The following SNW1 variants were observed in gnomAD, a reference collection of about 807,000 sequenced individuals.
SNW1 encodes SNW domain containing 1.
In SNW1, 9 loss-of-function variants were observed where a neutral mutation model predicts 75.6. That is an observed-to-expected ratio of 0.12 (90% confidence interval 0.07 to 0.21). The LOEUF (loss-of-function observed/expected upper bound fraction) is 0.21. Among genes scored for constraint, SNW1 ranks in the 10% least tolerant of loss-of-function variants. The pLI, the probability that SNW1 is intolerant of heterozygous loss-of-function variation, is 1.00. For missense variants in SNW1, 409 were observed against 670.9 expected (o/e 0.61, Z 4.31); for synonymous variants, 200 against 219.1 (o/e 0.91, Z 0.77).
intron 3 of SNW1, among the ~76,000 whole-genome samples, chr14:77,745,540 C>T (rs968934313): frequency 1.3e-5 from 2 of 151,910 alleles, no homozygotes; most frequent in African/African-American, 4.8e-5. Flanking sequence ...AAACCCATCT[C>T]TACTAAAAAG....
intron 3 of SNW1, among the ~76,000 whole-genome samples, chr14:77,743,009 T>G (rs1310951467): frequency 6.6e-6 from 1 of 151,888 alleles, no homozygotes; most frequent in African/African-American, 2.4e-5. Flanking sequence ...GTGGATCACC[T>G]GAGGTTGGGA....
Position 77,730,757 on chromosome 14 carries a change from A to G in SNW1, c.1033+231T>C, listed in dbSNP as rs1164405866. The G allele has an allele frequency of 2.0e-5, 9 of 458,438 alleles. No homozygotes were observed. In the South Asian group the frequency reaches 2.8e-4, roughly 14 times the overall value. The allele number at this position is 458,438 out of a possible 1,614,324, so 28.4% of individuals were successfully genotyped here. A position where few individuals can be genotyped will look rare whatever the true frequency, so the allele number is the denominator to read the frequency against. On this transcript the variant is annotated intron_variant, in intron 10 of 13. Coordinates refer to ENST00000261531, the MANE Select transcript of SNW1 (RefSeq NM_012245.3). ...TGCAATTTTGAAAAGTACACTGCTC[A>G]GAAGTTTAAAAATTTCTGGTACAGT...
At chr14:77,753,330 A>G (rs577128529) in intron 2 of SNW1, among the ~76,000 whole-genome samples, 5 of 152,320 alleles carry the variant, frequency 3.3e-5, no homozygotes, top group African/African-American at 9.6e-5. Flanking sequence ...TCATTGTGCA[A>G]TGTACTGACA....
chr14:77,723,524 A>AT (rs1453722580), intron 10 of SNW1, among the ~76,000 whole-genome samples: 43 of 148,336 alleles, frequency 2.9e-4, no homozygotes, highest in African/African-American at 1.1e-3. Context: ...TAATTTTTAA[A>AT]TTTTTTGTAA....
intron 3 of SNW1, among the ~76,000 whole-genome samples, chr14:77,750,700 T>C (rs1433046996): frequency 1.3e-5 from 2 of 152,194 alleles, no homozygotes; most frequent in Non-Finnish European, 2.9e-5. Flanking sequence ...TTAAAAATAG[T>C]TCCTTGGCCC....
chr14:77,745,335 G>A (rs1257212738), intron 3 of SNW1, among the ~76,000 whole-genome samples: 2 of 152,210 alleles, frequency 1.3e-5, no homozygotes, highest in African/African-American at 2.4e-5. Flanking sequence ...TCCATGGGAA[G>A]TCTCAAGAGA....
chr14:77,735,934 T>C lies in SNW1; in HGVS notation c.708+3A>G. The C allele has an allele frequency of 6.2e-7, 1 of 1,612,000 alleles. No individual in the cohort carries two copies. The highest frequency in any genetic ancestry group is 1.1e-5 in the South Asian group (1 of 90,844). On this transcript the variant is annotated splice_donor_region_variant and intron_variant, in intron 7 of 13. Transcript: ENST00000261531. The stretch of plus-strand genomic sequence containing the variant: ...AAATATTTTGGACTACAGCAAAGAA[T>C]ACCTTTCGGCTAGGAGAATGCATGA...
At chr14:77,735,038 A>C in intron 7 of SNW1, 26 bp from the exon 8 acceptor site, 1 of 1,529,284 alleles carries the variant, frequency 6.5e-7, no homozygotes, top group South Asian at 1.1e-5. Context: ...AAGAAGAGAC[A>C]AGTTTAGATT....
rs1595069786 is a variant in SNW1 at position 77,717,698 on chromosome 14, A to G, written c.*390T>C. Reference sequence around the variant, plus strand: ...ACAGAGCACAATAGGGGCAAAATTTATTTGGCAGGACAGTTCCAGTATGTG... The same window carrying G: ...ACAGAGCACAATAGGGGCAAAATTTGTTTGGCAGGACAGTTCCAGTATGTG... On this transcript the variant is annotated 3_prime_UTR_variant, in exon 14 of 14. Transcript: ENST00000261531. 3 of 740,282 alleles carry G rather than the reference A, an allele frequency of 4.1e-6. No homozygotes were observed. Among genetic ancestry groups the G allele is most frequent in the South Asian group, 3.6e-5 (2 of 55,560 alleles). 45.9% of individuals were successfully genotyped at this position (740,282 alleles called of 1,614,324 possible). A position where few individuals can be genotyped will look rare whatever the true frequency, so the allele number is the denominator to read the frequency against.
chr14:77,743,997 TGGCTG>T (rs1001693262), intron 3 of SNW1, among the ~76,000 whole-genome samples: 4 of 152,008 alleles, frequency 2.6e-5, no homozygotes, highest in Non-Finnish European at 4.4e-5. Context: ...TTGTTTCTAG[TGGCTG>T]CATTACAGAC....
intron 3 of SNW1, among the ~76,000 whole-genome samples, chr14:77,750,192 C>A (rs2080796377): frequency 6.6e-6 from 1 of 152,004 alleles, no homozygotes; most frequent in African/African-American, 2.4e-5. Context: ...CAGAACAAGA[C>A]CCTGTCTCAA....
At chr14:77,746,669 C>T (rs1372970109) in intron 3 of SNW1, among the ~76,000 whole-genome samples, 1 of 151,508 alleles carries the variant, frequency 6.6e-6, no homozygotes, top group Non-Finnish European at 1.5e-5. Flanking sequence ...AGCAGATAAC[C>T]ATGCCACGGA....
At chr14:77,721,382 T>C (rs1037340517) in intron 11 of SNW1, among the ~76,000 whole-genome samples, 6 of 152,210 alleles carry the variant, frequency 3.9e-5, no homozygotes, top group African/African-American at 7.2e-5. Flanking sequence ...AATGAAACCA[T>C]GGTAACTGTC....
rs750390435 is a variant in SNW1 at position 77,718,025 on chromosome 14, C to T, written c.*63G>A. ...ATCCTGACCATTTACAAAGTGTTCC[C>T]CCATATGACTTGCATCATTAGGGTT... On this transcript the variant is annotated 3_prime_UTR_variant, in exon 14 of 14. Coordinates refer to ENST00000261531, the MANE Select transcript of SNW1 (RefSeq NM_012245.3). The T allele has an allele frequency of 7.0e-7, 1 of 1,430,494 alleles. No individual in the cohort carries two copies. Among genetic ancestry groups the T allele is most frequent in the Non-Finnish European group, 9.4e-7 (1 of 1,062,492 alleles). The allele number at this position is 1,430,494 out of a possible 1,614,324, so 88.6% of individuals were successfully genotyped here. A position where few individuals can be genotyped will look rare whatever the true frequency, so the allele number is the denominator to read the frequency against.
intron 3 of SNW1, among the ~76,000 whole-genome samples, chr14:77,748,146 C>G (rs1050425858): frequency 6.6e-6 from 1 of 152,174 alleles, no homozygotes; most frequent in African/African-American, 2.4e-5. Context: ...GTGCTGTGTC[C>G]ACTCAGGGTT....
chr14:77,727,793 A>G (rs1253019233), intron 10 of SNW1, among the ~76,000 whole-genome samples: 1 of 152,190 alleles, frequency 6.6e-6, no homozygotes, highest in Non-Finnish European at 1.5e-5. Context: ...TCTGTTTGTT[A>G]GAATTTTGTT....
At chr14:77,720,887 CAATAGA>C (rs1367481621) in intron 11 of SNW1, 59 bp from the exon 12 acceptor site, 1 of 1,016,344 alleles carries the variant, frequency 9.8e-7, no homozygotes, top group Admixed American at 1.8e-5. Flanking sequence ...TGAATATGTT[CAATAGA>C]AATACAACCA....
intron 1 of SNW1, among the ~76,000 whole-genome samples, chr14:77,759,211 A>G (rs1377633620): frequency 1.3e-5 from 2 of 152,230 alleles, no homozygotes; most frequent in African/African-American, 4.8e-5. Flanking sequence ...TTAAGCACGC[A>G]ATACCCATGA....
intron 2 of SNW1, among the ~76,000 whole-genome samples, chr14:77,753,448 C>T (rs2080822554): frequency 6.6e-6 from 1 of 152,182 alleles, no homozygotes; most frequent in Admixed American, 6.5e-5. Context: ...AATCTTTCAT[C>T]TTCCTCTGCC....
Sources: gnomAD v4.1 joint callset for allele counts (sites outside exome capture counted in the v4.1 genomes callset) on GRCh38, gnomAD v4.1.1 for gene constraint, MANE v1.5 for transcripts, NCBI Gene and HGNC (gene_info 2026-07-23, HGNC 2026-07-21) for gene names.